Variants in TEK observed in about 807,000 individuals in gnomAD.
TEK encodes angiopoietin-1 receptor.
Under a neutral mutation model 131.8 loss-of-function variants are expected in TEK, and 43 were observed. The ratio of observed to expected loss-of-function variants is 0.33; its 90% CI spans 0.26 to 0.42. The LOEUF (loss-of-function observed/expected upper bound fraction) is 0.42. Among genes scored for constraint, TEK ranks in the 10% least tolerant of loss-of-function variants. The pLI is 1.00. For missense variants in TEK, 1,162 were observed against 1,384.4 expected, an observed-to-expected ratio of 0.84 and a Z score of 2.55; for synonymous variants, 580 against 491.6, an observed-to-expected ratio of 1.18 and a Z score of -2.38.
chr9:27,148,417 T>C (rs1337553354), intron 1 of TEK, among the ~76,000 whole-genome samples: 2 of 152,268 alleles, frequency 1.3e-5, no homozygotes, highest in East Asian at 1.9e-4. Flanking sequence ...ACATTTATTA[T>C]GACTTATGCT....
intron 21 of TEK, among the ~76,000 whole-genome samples, chr9:27,222,494 A>C (rs1310776834): frequency 2.6e-5 from 4 of 152,200 alleles, no homozygotes; most frequent in African/African-American, 9.7e-5. Flanking sequence ...AAGGGAAGCC[A>C]AACAGACTAA....
chr9:27,127,588 C>T (rs1032949842), intron 1 of TEK, among the ~76,000 whole-genome samples: 1 of 152,204 alleles, frequency 6.6e-6, no homozygotes, highest in Non-Finnish European at 1.5e-5. Flanking sequence ...CTAATTTAAA[C>T]TCCCACCAAC....
At chr9:27,134,795 A>G (rs7037509) in intron 1 of TEK, among the ~76,000 whole-genome samples, 79,483 of 151,834 alleles carry the variant, frequency 0.52, 21,804 homozygotes, top group African/African-American at 0.57. Context: ...ATCTAATAAA[A>G]AGAAGAGAAA....
At chr9:27,167,125 G>A (rs1026278627) in intron 2 of TEK, among the ~76,000 whole-genome samples, 5 of 152,188 alleles carry the variant, frequency 3.3e-5, no homozygotes, top group African/African-American at 1.2e-4. Flanking sequence ...AAGAAAGTTA[G>A]AAGATTTTAT....
chr9:27,124,455 G>C (rs1367714797), intron 1 of TEK, among the ~76,000 whole-genome samples: 1 of 152,238 alleles, frequency 6.6e-6, no homozygotes. Context: ...ACACAAGAGA[G>C]CTAAGTAGAA....
At chr9:27,136,721 A>G (rs949861594) in intron 1 of TEK, among the ~76,000 whole-genome samples, 2 of 152,136 alleles carry the variant, frequency 1.3e-5, no homozygotes, top group African/African-American at 2.4e-5. Flanking sequence ...AGTCTCCCCT[A>G]TCTGTTCAAG....
At chr9:27,117,864 A>C (rs1691580306) in intron 1 of TEK, among the ~76,000 whole-genome samples, 1 of 152,160 alleles carries the variant, frequency 6.6e-6, no homozygotes, top group South Asian at 2.1e-4. Context: ...CGCTTTTGTT[A>C]AAGGGTGATA....
At chr9:27,120,916 C>T (rs908147277) in intron 1 of TEK, among the ~76,000 whole-genome samples, 2 of 152,208 alleles carry the variant, frequency 1.3e-5, no homozygotes, top group African/African-American at 4.8e-5. Context: ...AATTTAATTA[C>T]AATGTACAGT....
intron 1 of TEK, among the ~76,000 whole-genome samples, chr9:27,138,241 T>C (rs1452630741): frequency 6.6e-6 from 1 of 152,214 alleles, no homozygotes; most frequent in Non-Finnish European, 1.5e-5. Flanking sequence ...CTGAGCGGGT[T>C]GCCGCTGCTG....
intron 1 of TEK, among the ~76,000 whole-genome samples, chr9:27,139,603 C>T (rs1018428158): frequency 2.6e-5 from 4 of 151,838 alleles, no homozygotes; most frequent in Admixed American, 1.3e-4. Context: ...GGATTACAGG[C>T]GTGAGACACC....
At chr9:27,126,371 A>G (rs973027993) in intron 1 of TEK, among the ~76,000 whole-genome samples, 1 of 152,214 alleles carries the variant, frequency 6.6e-6, no homozygotes, top group African/African-American at 2.4e-5. Context: ...ATTAAAAACT[A>G]ATGCACTAAA....
chr9:27,177,756 A>G (rs1156243708), intron 6 of TEK, among the ~76,000 whole-genome samples: 1 of 152,150 alleles, frequency 6.6e-6, no homozygotes, highest in Non-Finnish European at 1.5e-5. Context: ...ATCTCAAAAA[A>G]TGAAAAAGAA....
chr9:27,163,717 A>T (rs778857092), intron 2 of TEK, among the ~76,000 whole-genome samples: 72 of 152,194 alleles, frequency 4.7e-4, no homozygotes, highest in Non-Finnish European at 5.1e-4. Flanking sequence ...CCTTAACTCC[A>T]TCTCCCATAT....
At chr9:27,113,480 C>T (rs541616150) in intron 1 of TEK, among the ~76,000 whole-genome samples, 33 of 152,164 alleles carry the variant, frequency 2.2e-4, no homozygotes, top group African/African-American at 6.0e-4. Flanking sequence ...CCTAGCTACT[C>T]GGGAGGCTTA....
intron 15 of TEK, among the ~76,000 whole-genome samples, 158 bp downstream of exon 15, chr9:27,206,950 C>G (rs957225645): frequency 9.2e-5 from 14 of 152,200 alleles, no homozygotes; most frequent in African/African-American, 3.1e-4. Context: ...GAAGTTGAGC[C>G]TGTGATAGTC....
chr9:27,218,130 T>TTGG (rs9298888), intron 19 of TEK, among the ~76,000 whole-genome samples: 25,618 of 139,284 alleles, frequency 0.18, 2,936 homozygotes, highest in Admixed American at 0.25. Context: ...GGCCAGACAG[T>TTGG]GGCGGGGGTC....
chr9:27,109,833 A>G (rs1821263056), intron 1 of TEK, among the ~76,000 whole-genome samples, 191 bp downstream of exon 1: 1 of 151,978 alleles, frequency 6.6e-6, no homozygotes, highest in Non-Finnish European at 1.5e-5. Context: ...GCATGAACTG[A>G]TTTTGCTAGT....
At chr9:27,182,278 C>G (rs1301916437) in intron 7 of TEK, among the ~76,000 whole-genome samples, 2 of 152,110 alleles carry the variant, frequency 1.3e-5, no homozygotes, top group Admixed American at 1.3e-4. Context: ...CCACTTTAGC[C>G]CAGCACATCC....
chr9:27,188,300 A>G (rs1226868576), intron 9 of TEK, among the ~76,000 whole-genome samples: 5 of 152,182 alleles, frequency 3.3e-5, no homozygotes, highest in African/African-American at 1.2e-4. Context: ...CACATAGGTA[A>G]AGTCCCTTGA....
Sources: allele counts gnomAD v4.1 joint callset (sites outside exome capture counted in the v4.1 genomes callset), GRCh38; gene constraint gnomAD v4.1.1; transcripts MANE v1.5; gene names NCBI Gene and HGNC (gene_info 2026-07-23, HGNC 2026-07-21).